Variants in HIF1A observed in about 807,000 individuals in gnomAD.
The protein encoded by HIF1A is hypoxia inducible factor 1 subunit alpha.
A neutral mutation model predicts 92.7 loss-of-function variants in HIF1A; 24 were observed. The observed-to-expected ratio is 0.26, with a 90% CI of 0.19 to 0.36. The LOEUF is 0.36. Ranked by LOEUF, HIF1A falls within the 10% of genes least tolerant of loss-of-function variation. HIF1A has a pLI of 1.00. For missense variants in HIF1A, 799 were observed against 998.5 expected, an observed-to-expected ratio of 0.80 and a Z score of 2.69; for synonymous variants, 319 against 338.7, an observed-to-expected ratio of 0.94 and a Z score of 0.64.
intron 12 of HIF1A, among the ~76,000 whole-genome samples, chr14:61,744,370 G>A (rs1455262728): frequency 2.0e-5 from 3 of 151,890 alleles, no homozygotes; most frequent in Non-Finnish European, 4.4e-5. Flanking sequence ...ACAAAAATAT[G>A]TATATATAAA....
intron 1 of HIF1A, among the ~76,000 whole-genome samples, chr14:61,702,273 C>CAAAA (rs34312928): frequency 3.9e-5 from 4 of 101,968 alleles, no homozygotes; most frequent in Non-Finnish European, 7.5e-5. Flanking sequence ...ACTAAAAATA[C>CAAAA]AAAAAAAAAA....
At chr14:61,719,302 G>A (rs2044399377) in intron 1 of HIF1A, among the ~76,000 whole-genome samples, 1 of 152,200 alleles carries the variant, frequency 6.6e-6, no homozygotes, top group African/African-American at 2.4e-5. Context: ...GATCATGTGA[G>A]TGTTTAAAGT....
intron 9 of HIF1A, among the ~76,000 whole-genome samples, 170 bp from the exon 10 acceptor site, chr14:61,737,917 C>T (rs2044658140): frequency 6.6e-6 from 1 of 151,846 alleles, no homozygotes; most frequent in African/African-American, 2.4e-5. Context: ...ATCCCAGCTA[C>T]TTGGGAGGCT....
intron 10 of HIF1A, 164 bp from the exon 11 acceptor site, chr14:61,740,341 A>G: frequency 2.0e-6 from 1 of 500,872 alleles, no homozygotes; most frequent in South Asian, 2.9e-5. Context: ...CTGGGATTAC[A>G]GGCGTGAGCC....
intron 1 of HIF1A, among the ~76,000 whole-genome samples, chr14:61,705,193 T>C (rs1043533848): frequency 6.6e-6 from 1 of 152,166 alleles, no homozygotes; most frequent in South Asian, 2.1e-4. Flanking sequence ...GTATGTATAC[T>C]GCATTAAAAA....
chr14:61,732,393 TAAATC>T lies in HIF1A; in HGVS notation c.774-24_774-20del, dbSNP rs1189471724. 3 of 1,500,180 alleles carry T rather than the reference TAAATC, an allele frequency of 2.0e-6. No individual in the cohort carries two copies. The Admixed American group carries it at 5.2e-5, about 26-fold the overall frequency. The allele number at this position is 1,500,180 out of a possible 1,614,324, so 92.9% of individuals were successfully genotyped here. On this transcript the variant is annotated intron_variant, in intron 6 of 14. Coordinates refer to ENST00000337138, the MANE Select transcript of HIF1A (RefSeq NM_001530.4). ...TTATCAGTGTCTCCCTTTTTTTTCTTAAATCTTGTATTTTTTACTAACAGAATTAC... is the reference window on the plus strand; with the variant it reads ...TTATCAGTGTCTCCCTTTTTTTTCTTTTGTATTTTTTACTAACAGAATTAC...
Position 61,738,344 on chromosome 14 carries a change from G to T in HIF1A, c.1507G>T (p.Asp503Tyr). 1 of 1,611,194 alleles carries T rather than the reference G, an allele frequency of 6.2e-7. No individual in the cohort carries two copies. The highest frequency in any genetic ancestry group is 8.5e-7 in the Non-Finnish European group (1 of 1,178,552). Residue 503 changes from aspartate (D) to tyrosine (Y), a missense_variant, in exon 10 of 15, where the codon GAT becomes TAT. Physicochemically the swap from Asp to Tyr is radical, Grantham distance 160. This residue lies in a region of HIF1A where 516 missense variants were observed against 721.0 expected (regional missense o/e 0.72). Transcript: ENST00000337138. Reference protein sequence around the residue: ...QIQDQTPSPSDGSTRQSSPEP... With the variant: ...QIQDQTPSPSYGSTRQSSPEP... ...TCAGGATCAGACACCTAGTCCTTCC[G>T]ATGGAAGCACTAGACAAAGTTCACC...
intron 10 of HIF1A, 60 bp downstream of exon 10, chr14:61,738,433 AT>A (rs2044665853): frequency 5.1e-6 from 7 of 1,378,764 alleles, no homozygotes; most frequent in Non-Finnish European, 6.9e-6. Flanking sequence ...TCAAGAATGT[AT>A]TTATAAGTTT....
intron 6 of HIF1A, among the ~76,000 whole-genome samples, chr14:61,728,655 T>A (rs1364580610): frequency 6.6e-6 from 1 of 152,238 alleles, no homozygotes; most frequent in Non-Finnish European, 1.5e-5. Flanking sequence ...CTTACAGATT[T>A]ACTATCTACA....
intron 1 of HIF1A, among the ~76,000 whole-genome samples, chr14:61,714,139 T>C (rs1432736588): frequency 6.6e-6 from 1 of 152,150 alleles, no homozygotes; most frequent in Non-Finnish European, 1.5e-5. Context: ...TAGAGCTGTG[T>C]GTAAGGAGTA....
intron 1 of HIF1A, among the ~76,000 whole-genome samples, chr14:61,706,730 G>C (rs2044242929): frequency 6.6e-6 from 1 of 152,108 alleles, no homozygotes; most frequent in Non-Finnish European, 1.5e-5. Context: ...TGGTAATTTT[G>C]GGATGGAACT....
rs544909688 is a variant in HIF1A at position 61,735,078 on chromosome 14, T to C, written c.1028+793T>C. Reference sequence around the variant, plus strand: ...TACTAGACTCCTGCCCCATCTAGTCTACCTGTCCACATTATTACCACATTC... The same window carrying C: ...TACTAGACTCCTGCCCCATCTAGTCCACCTGTCCACATTATTACCACATTC... On this transcript the variant is annotated intron_variant, in intron 8 of 14. Transcript: ENST00000337138. Among the ~76,000 whole-genome samples the C allele has an allele frequency of 9.8e-5, 15 of 152,356 alleles. No individual in the cohort carries two copies. In the South Asian group the frequency reaches 3.1e-3, roughly 32 times the overall value.
At chr14:61,732,580 T>G in intron 7 of HIF1A, 56 bp downstream of exon 7, 3 of 1,052,842 alleles carry the variant, frequency 2.8e-6, no homozygotes, top group Non-Finnish European at 2.9e-6. Flanking sequence ...TTGCAACCTC[T>G]GTACAGTTTG....
chr14:61,735,555 T>C (rs1259647963), intron 8 of HIF1A, among the ~76,000 whole-genome samples: 1 of 152,246 alleles, frequency 6.6e-6, no homozygotes, highest in Non-Finnish European at 1.5e-5. Flanking sequence ...TGTTTACATA[T>C]CTACTTTCAC....
chr14:61,698,008 T>C (rs902969154), intron 1 of HIF1A: 27 of 1,041,548 alleles, frequency 2.6e-5, no homozygotes, highest in Non-Finnish European at 3.6e-5. Flanking sequence ...TGTTCCTAGT[T>C]ATAGGGGCTG....
chr14:61,745,052 T>TG (rs2044761716), intron 13 of HIF1A, among the ~76,000 whole-genome samples: 1 of 152,186 alleles, frequency 6.6e-6, no homozygotes, highest in Non-Finnish European at 1.5e-5. Context: ...AGTTAAAAAG[T>TG]GAAGTTCTCC....
At position 61,747,192 on chromosome 14, in the gene HIF1A, C is replaced by A; in HGVS notation, c.*107C>A. On this transcript the variant is annotated 3_prime_UTR_variant, in exon 15 of 15. Coordinates refer to ENST00000337138, the MANE Select transcript of HIF1A (RefSeq NM_001530.4). ...TTTTAGAAGCCTGGCTACAATACTG[C>A]ACAAACTTGGTTAGTTCAATTTTGA... 1 of 934,020 alleles carries A rather than the reference C, an allele frequency of 1.1e-6. No individual in the cohort carries two copies. Among genetic ancestry groups the A allele is most frequent in the Non-Finnish European group, 1.5e-6 (1 of 648,406 alleles). 57.9% of individuals were successfully genotyped at this position (934,020 alleles called of 1,614,324 possible).
intron 4 of HIF1A, 58 bp downstream of exon 4, chr14:61,721,881 T>A (rs899903968): frequency 3.4e-6 from 4 of 1,164,262 alleles, no homozygotes; most frequent in Non-Finnish European, 5.1e-6. Flanking sequence ...AATAAGATAC[T>A]ATTGCTAATT....
At chr14:61,726,506 G>T (rs757242133) in intron 4 of HIF1A, 200 bp from the exon 5 acceptor site, 34 of 374,802 alleles carry the variant, frequency 9.1e-5, no homozygotes, top group Non-Finnish European at 1.5e-4. Context: ...GCCAACTCAG[G>T]GAATCACAGC....
Sources: gnomAD v4.1 joint callset for allele counts (sites outside exome capture counted in the v4.1 genomes callset) on GRCh38, gnomAD v4.1.1 for gene constraint, gnomAD v4.1.1 regional missense constraint, MANE v1.5 for transcripts, NCBI Gene and HGNC (gene_info 2026-07-23, HGNC 2026-07-21) for gene names.